The following GPC6 variants were observed in gnomAD, a reference collection of about 807,000 sequenced individuals.
GPC6 encodes the protein glypican 6.
Under a neutral mutation model 55.2 loss-of-function variants are expected in GPC6, and 14 were observed. The observed-to-expected ratio is 0.25, with a 90% CI of 0.17 to 0.40. The LOEUF is 0.40. Ranked by LOEUF, GPC6 falls within the 10% of genes least tolerant of loss-of-function variation. The probability of loss-of-function intolerance (pLI) is 1.00; values close to 1 mark genes in which losing one functional copy is unlikely to be tolerated. For missense variants in GPC6, 641 were observed against 708.5 expected (o/e 0.90, Z 1.08); for synonymous variants, 278 against 259.6 (o/e 1.07, Z -0.68).
At chr13:93,388,237 G>A (rs1173615220) in intron 1 of GPC6, among the ~76,000 whole-genome samples, 1 of 152,092 alleles carries the variant, frequency 6.6e-6, no homozygotes, top group Admixed American at 6.5e-5. Context: ...CTTTAAGGAT[G>A]TGCATCCTGA....
intron 2 of GPC6, among the ~76,000 whole-genome samples, chr13:93,820,522 T>A (rs1051362763): frequency 2.6e-5 from 4 of 152,064 alleles, no homozygotes; most frequent in Non-Finnish European, 5.9e-5. Context: ...TGATGAACAT[T>A]ATATTTTGTT....
At chr13:94,350,429 C>G (rs1398430965) in intron 6 of GPC6, among the ~76,000 whole-genome samples, 1 of 152,062 alleles carries the variant, frequency 6.6e-6, no homozygotes, top group Admixed American at 6.6e-5. Context: ...GAGAATATTT[C>G]AATTTCAGAC....
chr13:93,329,169 A>AT (rs1334561662), intron 1 of GPC6, among the ~76,000 whole-genome samples: 1 of 152,182 alleles, frequency 6.6e-6, no homozygotes, highest in Non-Finnish European at 1.5e-5. Context: ...CACTTAATAC[A>AT]TTGGCCCCAG....
chr13:94,120,758 C>G (rs1046177844), intron 4 of GPC6, among the ~76,000 whole-genome samples: 1 of 151,980 alleles, frequency 6.6e-6, no homozygotes, highest in African/African-American at 2.4e-5. Context: ...GAAAGACAAA[C>G]ACTAAGATGT....
At chr13:93,376,790 T>TG (rs1874919878) in intron 1 of GPC6, among the ~76,000 whole-genome samples, 1 of 151,852 alleles carries the variant, frequency 6.6e-6, no homozygotes, top group African/African-American at 2.4e-5. Context: ...TTTTTTTTTT[T>TG]TGTGAGCAGT....
intron 1 of GPC6, among the ~76,000 whole-genome samples, chr13:93,519,343 TTACACACACA>T (rs1326225591): frequency 3.3e-5 from 5 of 152,138 alleles, no homozygotes; most frequent in African/African-American, 9.6e-5. Flanking sequence ...TGTGTTTCTG[TTACACACACA>T]TACACACACA....
chr13:94,329,439 T>C (rs1490642452), intron 6 of GPC6, among the ~76,000 whole-genome samples: 3 of 152,166 alleles, frequency 2.0e-5, no homozygotes, highest in Non-Finnish European at 4.4e-5. Flanking sequence ...ATTTGCTTAG[T>C]CTGGGAGATG....
intron 2 of GPC6, among the ~76,000 whole-genome samples, chr13:93,758,539 A>T (rs1365670281): frequency 6.6e-6 from 1 of 152,080 alleles, no homozygotes; most frequent in South Asian, 2.1e-4. Context: ...TTTGATAATA[A>T]TCTCTGTAGA....
chr13:93,316,029 A>G (rs61965672), intron 1 of GPC6, among the ~76,000 whole-genome samples: 2,806 of 152,166 alleles, frequency 0.018, 30 homozygotes, highest in Non-Finnish European at 0.028. Context: ...GTTCTCCTGT[A>G]TATACTTGAG....
chr13:94,153,873 G>A (rs999549654), intron 4 of GPC6, among the ~76,000 whole-genome samples: 2 of 152,168 alleles, frequency 1.3e-5, no homozygotes, highest in Admixed American at 6.6e-5. Flanking sequence ...ACTAGCGTGT[G>A]TAGGTTCTAC....
At chr13:93,330,503 G>A (rs928299153) in intron 1 of GPC6, among the ~76,000 whole-genome samples, 1 of 151,016 alleles carries the variant, frequency 6.6e-6, no homozygotes, top group Non-Finnish European at 1.5e-5. Flanking sequence ...CTCCAGCCTG[G>A]GTGCAGAGTG....
At chr13:93,339,895 G>T (rs373575847) in intron 1 of GPC6, among the ~76,000 whole-genome samples, 5 of 152,104 alleles carry the variant, frequency 3.3e-5, no homozygotes, top group Non-Finnish European at 7.4e-5. Flanking sequence ...ATGAGTCATC[G>T]TATTAAAATA....
intron 7 of GPC6, among the ~76,000 whole-genome samples, chr13:94,391,708 C>T (rs7993208): frequency 0.5 from 75,290 of 151,728 alleles, 18,878 homozygotes; most frequent in Middle Eastern, 0.59. Flanking sequence ...TAAGTGCAGT[C>T]ACGTGGTTGT....
chr13:93,597,062 A>G (rs1048663583), intron 2 of GPC6, among the ~76,000 whole-genome samples: 1 of 150,944 alleles, frequency 6.6e-6, no homozygotes, highest in African/African-American at 2.4e-5. Context: ...CAGCTCAAGT[A>G]GTCAGGCAGT....
At chr13:93,690,020 A>G (rs1005903169) in intron 2 of GPC6, among the ~76,000 whole-genome samples, 2 of 152,148 alleles carry the variant, frequency 1.3e-5, no homozygotes, top group Non-Finnish European at 2.9e-5. Flanking sequence ...GGGAAAATTT[A>G]GCATTTAGTT....
intron 3 of GPC6, among the ~76,000 whole-genome samples, chr13:93,912,662 G>C (rs1423813898): frequency 6.6e-6 from 1 of 152,150 alleles, no homozygotes; most frequent in East Asian, 1.9e-4. Context: ...AGAATGGCGT[G>C]AACCCAGGAG....
chr13:94,123,461 G>C (rs1481389510), intron 4 of GPC6, among the ~76,000 whole-genome samples: 1 of 152,044 alleles, frequency 6.6e-6, no homozygotes, highest in South Asian at 2.1e-4. Flanking sequence ...TACTGGATAT[G>C]TAAACTTAAT....
intron 2 of GPC6, among the ~76,000 whole-genome samples, chr13:93,752,235 G>A (rs7326722): frequency 0.68 from 103,493 of 151,796 alleles, 36,062 homozygotes; most frequent in African/African-American, 0.81. Flanking sequence ...TACAAAATAC[G>A]GTATGGAGGA....
chr13:93,848,799 C>T (rs1000005003), intron 3 of GPC6, among the ~76,000 whole-genome samples: 12 of 152,028 alleles, frequency 7.9e-5, no homozygotes, highest in African/African-American at 2.9e-4. Flanking sequence ...CACTGCCCCC[C>T]GCAACCAATG....
Sources: allele counts gnomAD v4.1 joint callset (sites outside exome capture counted in the v4.1 genomes callset), GRCh38; gene constraint gnomAD v4.1.1; transcripts MANE v1.5; gene names NCBI Gene and HGNC (gene_info 2026-07-23, HGNC 2026-07-21).